The following SHANK1 variants were observed in gnomAD, a reference collection of about 807,000 sequenced individuals.
The protein encoded by SHANK1 is SH3 and multiple ankyrin repeat domains 1, also known as SH3 and multiple ankyrin repeat domains protein 1.
SHANK1 carries 35 observed loss-of-function variants against 165.6 expected under a neutral mutation model. The observed-to-expected ratio is 0.21, with a 90% CI of 0.16 to 0.28. The LOEUF is 0.28. Ranked by LOEUF, SHANK1 falls within the 10% of genes least tolerant of loss-of-function variation. The pLI is 1.00. For missense variants in SHANK1, 2,681 were observed against 3,036.4 expected (o/e 0.88, Z 2.75); for synonymous variants, 1,428 against 1,384.8 (o/e 1.03, Z -0.69).
In SHANK1 at chr19:50,702,701, G is replaced by A; in HGVS notation, c.1554-41C>T. 1 of 1,389,668 alleles carries A rather than the reference G, an allele frequency of 7.2e-7. No individual in the cohort carries two copies. Among genetic ancestry groups the A allele is most frequent in the Non-Finnish European group, 9.8e-7 (1 of 1,023,872 alleles). The allele number at this position is 1,389,668 out of a possible 1,614,324, so 86.1% of individuals were successfully genotyped here. A position where few individuals can be genotyped will look rare whatever the true frequency, so the allele number is the denominator to read the frequency against. On this transcript the variant is annotated intron_variant, in intron 11 of 23. Transcript: ENST00000293441. The surrounding 1 kb of genome is among the most constrained non-coding windows in gnomAD (Gnocchi z 5.3). Reference sequence around the variant, plus strand: ...GCATGAGAGGAGGGGAGGGTGGAGGGAGGGGACACCTCTGGGAGGACAGGG... The same window carrying A: ...GCATGAGAGGAGGGGAGGGTGGAGGAAGGGGACACCTCTGGGAGGACAGGG...
At chr19:50,692,759 A>C (rs1986581299) in intron 15 of SHANK1, among the ~76,000 whole-genome samples, 1 of 145,562 alleles carries the variant, frequency 6.9e-6, no homozygotes, top group African/African-American at 2.6e-5. Context: ...TCTGCACCTC[A>C]CTCCCTACTC....
chr19:50,680,804 C>T (rs746497077), intron 21 of SHANK1, among the ~76,000 whole-genome samples: 11 of 152,120 alleles, frequency 7.2e-5, no homozygotes, highest in East Asian at 3.9e-4. Flanking sequence ...AACAGGCGTG[C>T]GCCACCACAC....
Position 50,667,051 on chromosome 19 carries a change from C to T in SHANK1, c.4909G>A (p.Gly1637Arg), listed in dbSNP as rs1482552416. The change falls in exon 23 of 24, where the codon GGG becomes AGG. Residue 1637 changes from glycine to arginine, a missense_variant. Around this residue, in one of 10 missense-constraint regions of SHANK1, gnomAD observed 1,713 missense variants for 1,630.2 expected, o/e 1.05. Coordinates refer to ENST00000293441, the MANE Select transcript of SHANK1 (RefSeq NM_016148.5). The surrounding 1 kb of genome is among the most constrained non-coding windows in gnomAD (Gnocchi z 5.7). ...GGGTCCCCAGGAGCGGCGGAGGCCC[C>T]CTGGGTCAGGGTGGCCACCTCGCTG... ...YDSEVATLTQ[G>R]ASAAPGDPHP... 1 of 1,550,528 alleles carries T rather than the reference C, an allele frequency of 6.4e-7. No homozygotes were observed. Among genetic ancestry groups the T allele is most frequent in the Non-Finnish European group, 8.7e-7 (1 of 1,152,390 alleles).
chr19:50,704,581 T>C (rs1344238542), intron 8 of SHANK1, 67 bp from the exon 9 acceptor site: 1 of 1,385,942 alleles, frequency 7.2e-7, no homozygotes, highest in Admixed American at 1.7e-5. Flanking sequence ...CATGAGTGGA[T>C]GCAGGTTCTG....
rs2089085629 is a variant in SHANK1, at chr19:50,717,712, T to C, written c.-43-750A>G. 6.6e-6 allele frequency among the ~76,000 whole-genome samples: 1 copy of C among 152,002 alleles called. No homozygotes were observed. The highest frequency in any genetic ancestry group is 2.4e-5 in the African/African-American group (1 of 41,374). On this transcript the variant is annotated intron_variant, in intron 1 of 23. Coordinates refer to ENST00000293441, the MANE Select transcript of SHANK1 (RefSeq NM_016148.5). This position sits in a 1 kb window ranked among gnomAD's most constrained non-coding sequence, Gnocchi z 5.5. ...GTGGGGAGGTCGGCCTGGGGAGTGC[T>C]GTCCAGGTGACAGTGGTGTGGTGGC...
At chr19:50,664,239 A>G (rs942963362) in intron 23 of SHANK1, among the ~76,000 whole-genome samples, 6 of 151,974 alleles carry the variant, frequency 3.9e-5, no homozygotes, top group Non-Finnish European at 7.4e-5. Flanking sequence ...ACAGAATTCA[A>G]GTGAACTCTG....
chr19:50,678,445 G>A (rs1232293156), intron 21 of SHANK1, among the ~76,000 whole-genome samples: 3 of 151,910 alleles, frequency 2.0e-5, no homozygotes, highest in Admixed American at 6.6e-5. Flanking sequence ...AGGGAGAGGC[G>A]AGGGTCAGGT....
Position 50,669,144 on chromosome 19 carries a change from G to C in SHANK1, c.2816C>G (p.Pro939Arg). 6 of 1,566,954 alleles carry C rather than the reference G, an allele frequency of 3.8e-6. No homozygotes were observed. The highest frequency in any genetic ancestry group is 5.2e-6 in the Non-Finnish European group (6 of 1,157,044). The part of the protein sequence containing the change: ...PEPPYSTPPV[P>R]SSSGRLTPSP... ...GGGGGTGAGGCGCCCTGAGGAGGAGGGGACTGGAGGTGTGCTGTAGGGAGG... is the reference window on the plus strand; with the variant it reads ...GGGGGTGAGGCGCCCTGAGGAGGAGCGGACTGGAGGTGTGCTGTAGGGAGG... The change falls in exon 23 of 24, where the codon CCC becomes CGC. Residue 939 changes from proline (P) to arginine (R), a missense_variant. Pro to Arg is a moderately radical substitution (Grantham distance 103, BLOSUM62 -2). Around this residue, in one of 10 missense-constraint regions of SHANK1, gnomAD observed 1,713 missense variants for 1,630.2 expected, o/e 1.05. Coordinates refer to ENST00000293441, the MANE Select transcript of SHANK1 (RefSeq NM_016148.5).
At position 50,661,039 on chromosome 19, in the gene SHANK1, A is replaced by G. The variant is rs1985194983; in HGVS notation, c.*926T>C. On this transcript the variant is annotated 3_prime_UTR_variant, in exon 24 of 24. Transcript: ENST00000293441. ...TAAGAAGGGAAAGTGCTTCAACGTA[A>G]GAAAATGGAGGTAAGAGTGTGTCAG... Among the ~76,000 whole-genome samples, 1 of 151,978 alleles carries G rather than the reference A, an allele frequency of 6.6e-6. No individual in the cohort carries two copies. Among genetic ancestry groups the G allele is most frequent in the African/African-American group, 2.4e-5 (1 of 41,374 alleles).
intron 15 of SHANK1, among the ~76,000 whole-genome samples, chr19:50,694,544 A>G (rs1406562794): frequency 1.1e-5 from 1 of 89,192 alleles, no homozygotes; most frequent in African/African-American, 4.5e-5. Flanking sequence ...CAAATCCTGG[A>G]GGGGGGTCGG....
chr19:50,711,941 G>A lies in SHANK1; in HGVS notation c.960+6C>T, dbSNP rs577489955. 1.2e-6 allele frequency: 2 copies of A among 1,613,864 alleles called. No homozygotes were observed. Among genetic ancestry groups the A allele is most frequent in the South Asian group, 2.2e-5 (2 of 91,080 alleles). On this transcript the variant is annotated splice_donor_region_variant and intron_variant, in intron 7 of 23. Transcript: ENST00000293441. ...CCCAGCCCTTCATGGCCTGAATCAG[G>A]AGCACCTGGTGGATTTCCTGCCAGC...
chr19:50,697,230 A>G lies in SHANK1; in HGVS notation c.1938-108T>C. 1 of 1,494,116 alleles carries G rather than the reference A, an allele frequency of 6.7e-7. No homozygotes were observed. Among genetic ancestry groups the G allele is most frequent in the Non-Finnish European group, 9.3e-7 (1 of 1,076,860 alleles). The allele number at this position is 1,494,116 out of a possible 1,614,324, so 92.6% of individuals were successfully genotyped here. On this transcript the variant is annotated intron_variant, in intron 14 of 23. Transcript: ENST00000293441. The surrounding 1 kb of genome is among the most constrained non-coding windows in gnomAD (Gnocchi z 4.7). ...GACTGCACCCTCCCCACACCGGTGC[A>G]TGGGACACACACATTCCCACTGCAC...
At chr19:50,691,448 C>T (rs1481818691) in intron 15 of SHANK1, among the ~76,000 whole-genome samples, 2 of 152,202 alleles carry the variant, frequency 1.3e-5, no homozygotes, top group East Asian at 3.9e-4. Context: ...CATCTTTCTC[C>T]CTCCCCTCTG....
chr19:50,702,537 G>T lies in SHANK1; in HGVS notation c.1677C>A (p.Phe559Leu). 6.2e-7 allele frequency: 1 copy of T among 1,613,334 alleles called. No individual in the cohort carries two copies. The change falls in exon 12 of 24, where the codon TTC (phenylalanine) becomes TTA (leucine). Residue 559 changes from phenylalanine (F) to leucine (L), a missense_variant. This residue lies in a region of SHANK1 where 195 missense variants were observed against 186.2 expected (regional missense o/e 1.05). Coordinates refer to ENST00000293441, the MANE Select transcript of SHANK1 (RefSeq NM_016148.5). This position sits in a 1 kb window ranked among gnomAD's most constrained non-coding sequence, Gnocchi z 5.3. The part of the protein sequence containing the change: ...KLYSAVPGRS[F>L]MAVKSYQAQA... ...GGGCCTGGTAGGACTTCACAGCCAT[G>T]AAGGAGCGTCCGGGTACCGCTGAGT...
chr19:50,709,039 G>A (rs979220642), intron 8 of SHANK1, among the ~76,000 whole-genome samples: 1 of 152,238 alleles, frequency 6.6e-6, no homozygotes, highest in Non-Finnish European at 1.5e-5. Context: ...GGGGGGAAAT[G>A]GAGGAATCAA....
rs963729707 is a variant in SHANK1 at position 50,666,679 on chromosome 19, C to T, written c.5281G>A (p.Ala1761Thr). The T allele has an allele frequency of 1.3e-6, 2 of 1,585,318 alleles. No homozygotes were observed. The highest frequency in any genetic ancestry group is 2.7e-5 in the African/African-American group (2 of 74,612). The part of the protein sequence containing the change: ...LMTPSKLRGR[A>T]LGASGGLRPG... Reference sequence around the variant, plus strand: ...CGCAGGCCTCCGCTGGCTCCTAGCGCCCGGCCCCGGAGCTTAGAGGGAGTC... The same window carrying T: ...CGCAGGCCTCCGCTGGCTCCTAGCGTCCGGCCCCGGAGCTTAGAGGGAGTC... The change falls in exon 23 of 24, where the codon GCG becomes ACG. Residue 1761 changes from alanine (A) to threonine (T), a missense_variant. Ala to Thr is a moderately conservative substitution (Grantham distance 58). Transcript: ENST00000293441.
intron 8 of SHANK1, chr19:50,711,123 A>C (rs971476193): frequency 2.0e-6 from 1 of 508,704 alleles, no homozygotes. Context: ...CATGAGCTCA[A>C]CACTTTGTCC....
In SHANK1 at chr19:50,697,116, C is replaced by T. The variant is rs767092528; in HGVS notation, c.1944G>A (p.Met648Ile). ...SYDSFDAPSL[M>I]DGIGPGSDYI... ...CTCACCTCCCTGGGCCAATCCCATC[C>T]ATTAAGCTTCCGAAGCAAGTCAGCC... The change falls in exon 15 of 24, where the codon ATG becomes ATA. Residue 648 changes from methionine to isoleucine, a missense_variant. Physicochemically the swap from Met to Ile is conservative, Grantham distance 10. Coordinates refer to ENST00000293441, the MANE Select transcript of SHANK1 (RefSeq NM_016148.5). This position sits in a 1 kb window ranked among gnomAD's most constrained non-coding sequence, Gnocchi z 4.7. The T allele has an allele frequency of 1.7e-5, 28 of 1,613,452 alleles. No homozygotes were observed. Among genetic ancestry groups the T allele is most frequent in the Non-Finnish European group, 2.3e-5 (27 of 1,179,880 alleles).
intron 23 of SHANK1, among the ~76,000 whole-genome samples, chr19:50,665,656 G>A (rs1985460172): frequency 6.8e-6 from 1 of 146,008 alleles, no homozygotes; most frequent in Non-Finnish European, 1.5e-5. Flanking sequence ...AGGATTGCTT[G>A]AGCCCAGGAG....
Sources: allele counts gnomAD v4.1 joint callset (sites outside exome capture counted in the v4.1 genomes callset), GRCh38; gene constraint gnomAD v4.1.1; regional missense constraint gnomAD v4.1.1; non-coding constraint Gnocchi (gnomAD v3.1); transcripts MANE v1.5; gene names NCBI Gene and HGNC (gene_info 2026-07-23, HGNC 2026-07-21).